The following KCNG2 variants were observed in gnomAD, a reference collection of about 807,000 sequenced individuals.
KCNG2 encodes potassium voltage-gated channel modifier subfamily G member 2, also known as voltage-gated potassium channel regulatory subunit KCNG2.
In KCNG2, 7 loss-of-function variants were observed where a neutral mutation model predicts 12.3. That is an observed-to-expected ratio of 0.57 (90% CI 0.32 to 1.07). The LOEUF is 1.07. Among genes scored for constraint, KCNG2 ranks in the 50% least tolerant of loss-of-function variants. The pLI is 0.04. For synonymous variants in KCNG2, 414 were observed against 351.4 expected, an observed-to-expected ratio of 1.18 and a Z score of -1.99; for missense variants, 703 against 726.0, an observed-to-expected ratio of 0.97 and a Z score of 0.36.
intron 2 of KCNG2, among the ~76,000 whole-genome samples, chr18:79,857,589 C>A (rs987602184): frequency 5.9e-5 from 9 of 151,936 alleles, no homozygotes; most frequent in African/African-American, 1.9e-4. Context: ...TCCTGACTTG[C>A]CGTAGTGGTG....
rs369034550 is a variant in KCNG2 at position 79,891,570 on chromosome 18, C to T, written c.625-7470C>T. 4.0e-4 allele frequency among the ~76,000 whole-genome samples: 61 copies of T among 152,278 alleles called. 1 individual carries two copies. The highest frequency in any genetic ancestry group is 7.7e-4 in the East Asian group (4 of 5,178). On this transcript the variant is annotated intron_variant, in intron 3 of 3. Transcript: ENST00000316249. ...TAGCTGCACCATATAAGTTTGGATA[C>T]GTTGTGTCTTCATTCTTACTCATCT...
At chr18:79,871,019 G>C (rs1979807309) in intron 3 of KCNG2, among the ~76,000 whole-genome samples, 1 of 152,148 alleles carries the variant, frequency 6.6e-6, no homozygotes, top group Admixed American at 6.5e-5. Context: ...GCCTGGGTCT[G>C]AGTTCCAATC....
chr18:79,871,804 A>G (rs1182808264), intron 3 of KCNG2, among the ~76,000 whole-genome samples: 2 of 152,236 alleles, frequency 1.3e-5, no homozygotes, highest in African/African-American at 4.8e-5. Context: ...CAGAGGCCAC[A>G]GGCCTGAGCA....
intron 3 of KCNG2, among the ~76,000 whole-genome samples, chr18:79,867,532 G>A: frequency 8.0e-6 from 1 of 124,752 alleles, no homozygotes; most frequent in African/African-American, 3.0e-5. Flanking sequence ...TGTCTGGGGG[G>A]GGACCGTGAG....
intron 1 of KCNG2, among the ~76,000 whole-genome samples, chr18:79,833,656 T>C (rs1002064737): frequency 1.3e-5 from 2 of 152,256 alleles, no homozygotes; most frequent in African/African-American, 4.8e-5. Flanking sequence ...TGCAACGTCA[T>C]TTCCACGGAT....
intron 1 of KCNG2, among the ~76,000 whole-genome samples, chr18:79,809,322 C>T (rs1178407810): frequency 1.3e-4 from 13 of 98,022 alleles, no homozygotes; most frequent in African/African-American, 4.3e-4. Context: ...CCAGAGTCCG[C>T]GCTCTGAGGA....
chr18:79,896,128 G>A (rs1408726065), intron 3 of KCNG2, among the ~76,000 whole-genome samples: 1 of 152,186 alleles, frequency 6.6e-6, no homozygotes, highest in African/African-American at 2.4e-5. Flanking sequence ...ACCACACCCA[G>A]CTAATTTTTG....
chr18:79,855,772 G>A (rs904074939), intron 1 of KCNG2, among the ~76,000 whole-genome samples: 1 of 151,998 alleles, frequency 6.6e-6, no homozygotes, highest in Non-Finnish European at 1.5e-5. Flanking sequence ...CACCTCTGTC[G>A]TCACTGAACC....
intron 3 of KCNG2, among the ~76,000 whole-genome samples, chr18:79,891,206 T>C (rs1010784908): frequency 6.6e-6 from 1 of 152,186 alleles, no homozygotes; most frequent in African/African-American, 2.4e-5. Context: ...TAAATTTCCC[T>C]CTAAGCATTA....
intron 1 of KCNG2, among the ~76,000 whole-genome samples, chr18:79,853,058 A>G (rs1040266555): frequency 2.4e-4 from 36 of 152,206 alleles, no homozygotes; most frequent in African/African-American, 8.7e-4. Flanking sequence ...AGGCAGCCTG[A>G]GACCATTCCT....
chr18:79,858,639 G>C (rs553349720), intron 2 of KCNG2, among the ~76,000 whole-genome samples: 1 of 152,288 alleles, frequency 6.6e-6, no homozygotes, highest in South Asian at 2.1e-4. Context: ...TTGAGGAACT[G>C]CCAGACTGTT....
In KCNG2 at chr18:79,840,039, T is replaced by C. The variant is rs1331509382; in HGVS notation, c.-114-16340T>C. Among the ~76,000 whole-genome samples, 8 of 152,262 alleles carry C rather than the reference T, an allele frequency of 5.3e-5. No homozygotes were observed. In the South Asian group the frequency reaches 8.3e-4, roughly 16 times the overall value. On this transcript the variant is annotated intron_variant, in intron 1 of 3. Transcript: ENST00000316249. ...CTTAATGGTGAAAGACTGAATGTTC[T>C]TCCCCTCAGATGGAGAACAAGGCAA...
At chr18:79,864,543 C>T (rs944435177) in intron 3 of KCNG2, among the ~76,000 whole-genome samples, 1 of 152,234 alleles carries the variant, frequency 6.6e-6, no homozygotes, top group African/African-American at 2.4e-5. Context: ...AAGTTACATT[C>T]GGTTTCCGAC....
intron 1 of KCNG2, among the ~76,000 whole-genome samples, chr18:79,835,336 C>T (rs372945972): frequency 3.9e-5 from 6 of 152,224 alleles, no homozygotes; most frequent in East Asian, 1.9e-4. Flanking sequence ...GGACAGTCAA[C>T]GGCCATTGAC....
At chr18:79,887,181 GAC>G (rs1049600832) in intron 3 of KCNG2, among the ~76,000 whole-genome samples, 1 of 149,512 alleles carries the variant, frequency 6.7e-6, no homozygotes, top group African/African-American at 2.6e-5. Context: ...CACAGGGAGG[GAC>G]ACAGGACAGA....
intron 3 of KCNG2, among the ~76,000 whole-genome samples, chr18:79,866,778 A>ATGCTGAGAGGTCTGGG (rs1568262913): frequency 1.5e-5 from 1 of 68,386 alleles, no homozygotes; most frequent in Non-Finnish European, 3.0e-5. Context: ...AGAGGTCTGT[A>ATGCTGAGAGGTCTGGG]TGCTGAGAGG....
chr18:79,864,000 C>G lies in KCNG2; in HGVS notation c.333C>G (p.Asp111Glu). The change falls in exon 3 of 4, where the codon GAC becomes GAG. Residue 111 changes from aspartate to glutamate, a missense_variant. By Grantham distance (45) the Asp-to-Glu change is conservative (BLOSUM62 2). Transcript: ENST00000316249. The part of the protein sequence containing the change: ...FRDELAYWGI[D>E]EARLERCCLR... ...ACGAGCTGGCCTACTGGGGCATCGACGAGGCGCGCCTGGAGCGCTGCTGCC... is the reference window on the plus strand; with the variant it reads ...ACGAGCTGGCCTACTGGGGCATCGAGGAGGCGCGCCTGGAGCGCTGCTGCC... 19 of 1,197,262 alleles carry G rather than the reference C, an allele frequency of 1.6e-5. No individual in the cohort carries two copies. The highest frequency in any genetic ancestry group is 2.0e-5 in the Non-Finnish European group (19 of 962,402). The allele number at this position is 1,197,262 out of a possible 1,614,324, so 74.2% of individuals were successfully genotyped here.
chr18:79,870,240 G>C (rs184848042), intron 3 of KCNG2, among the ~76,000 whole-genome samples: 10 of 152,374 alleles, frequency 6.6e-5, no homozygotes, highest in African/African-American at 2.4e-4. Flanking sequence ...ACGAGCTTCA[G>C]CTGCCGTGGG....
At chr18:79,843,351 A>G (rs1360064368) in intron 1 of KCNG2, among the ~76,000 whole-genome samples, 1 of 152,236 alleles carries the variant, frequency 6.6e-6, no homozygotes, top group East Asian at 1.9e-4. Flanking sequence ...GAAATGCTGA[A>G]TGTTCTTCAA....
Sources: allele counts gnomAD v4.1 joint callset (sites outside exome capture counted in the v4.1 genomes callset), GRCh38; gene constraint gnomAD v4.1.1; transcripts MANE v1.5; gene names NCBI Gene and HGNC (gene_info 2026-07-23, HGNC 2026-07-21).